Variants in DOK5 observed in about 807,000 individuals in gnomAD.
The protein encoded by DOK5 is docking protein 5, also known as downstream of tyrosine kinase 5.
In DOK5, 27 loss-of-function variants were observed where a neutral mutation model predicts 43.3. That is an observed-to-expected ratio of 0.62 (90% CI 0.46 to 0.86). The LOEUF is 0.86. Ranked by LOEUF, DOK5 falls within the 40% of genes least tolerant of loss-of-function variation. DOK5 has a pLI of 0.00. For synonymous variants in DOK5, 146 were observed against 140.1 expected (o/e 1.04, Z -0.30); for missense variants, 373 against 392.9 (o/e 0.95, Z 0.43).
At chr20:54,514,017 C>T (rs1983104471) in intron 1 of DOK5, among the ~76,000 whole-genome samples, 3 of 152,140 alleles carry the variant, frequency 2.0e-5, no homozygotes, top group Admixed American at 6.5e-5. Flanking sequence ...AATAGCTGCA[C>T]CCTACTTTTT....
chr20:54,501,237 G>T (rs1982586627), intron 1 of DOK5, among the ~76,000 whole-genome samples: 1 of 151,904 alleles, frequency 6.6e-6, no homozygotes, highest in Non-Finnish European at 1.5e-5. Context: ...GGAGGCCAAG[G>T]CGGGTGGATC....
At position 54,475,617 on chromosome 20, in the gene DOK5, G is replaced by A; in HGVS notation, c.-330G>A. 1 of 397,292 alleles carries A rather than the reference G, an allele frequency of 2.5e-6. No homozygotes were observed. The allele number at this position is 397,292 out of a possible 1,614,324, so 24.6% of individuals were successfully genotyped here. On this transcript the variant is annotated 5_prime_UTR_variant, in exon 1 of 8. Transcript: ENST00000262593. The surrounding 1 kb of genome is among the most constrained non-coding windows in gnomAD (Gnocchi z 4.2). ...CCTTCTTCTCCTCCTTCTCGGCCGG[G>A]AGGAGGCAGGGCTGGATCCCTCAGC...
At position 54,481,024 on chromosome 20, in the gene DOK5, CATCT is replaced by C. The variant is rs375846902; in HGVS notation, c.66+5020_66+5023del. ...TATCATCTATCATCTATCTATCTAT[CATCT>C]ATCTATCATCTATCTATCATCTGTC... On this transcript the variant is annotated intron_variant, in intron 1 of 7. Transcript: ENST00000262593. Among the ~76,000 whole-genome samples the C allele has an allele frequency of 5.3e-3, 590 of 112,346 alleles. 18 individuals carry two copies. The highest frequency in any genetic ancestry group is 0.023 in the African/African-American group (474 of 20,910). The allele number at this position is 112,346 out of a possible 152,430, so 73.7% of individuals were successfully genotyped here.
At chr20:54,579,265 A>G (rs1985554954) in intron 2 of DOK5, among the ~76,000 whole-genome samples, 2 of 152,304 alleles carry the variant, frequency 1.3e-5, no homozygotes, top group South Asian at 4.1e-4. Context: ...ACTTGCCATG[A>G]ATAGAAATTA....
chr20:54,561,100 G>A (rs112016648), intron 2 of DOK5, among the ~76,000 whole-genome samples: 4 of 152,176 alleles, frequency 2.6e-5, no homozygotes, highest in East Asian at 3.9e-4. Flanking sequence ...CTTTTCTTTC[G>A]TGGTCCATGT....
chr20:54,519,325 G>C (rs1170153027), intron 1 of DOK5, among the ~76,000 whole-genome samples: 1 of 152,130 alleles, frequency 6.6e-6, no homozygotes, highest in African/African-American at 2.4e-5. Flanking sequence ...TTTAGCATCT[G>C]TTCCATAGTA....
At chr20:54,527,488 C>A (rs1052196244) in intron 1 of DOK5, among the ~76,000 whole-genome samples, 4 of 152,138 alleles carry the variant, frequency 2.6e-5, no homozygotes, top group African/African-American at 9.7e-5. Context: ...GCAAACCTCT[C>A]AGGTTTGTGT....
intron 4 of DOK5, among the ~76,000 whole-genome samples, chr20:54,589,691 A>T (rs1985922784): frequency 6.6e-6 from 1 of 152,194 alleles, no homozygotes; most frequent in East Asian, 1.9e-4. Flanking sequence ...CGGACATGGC[A>T]GAGATGGAAT....
At chr20:54,644,397 C>A (rs1248437118) in intron 7 of DOK5, among the ~76,000 whole-genome samples, 2 of 151,778 alleles carry the variant, frequency 1.3e-5, no homozygotes, top group African/African-American at 2.4e-5. Flanking sequence ...CATGGTGAAA[C>A]CCTGTCTTTA....
intron 5 of DOK5, 36 bp downstream of exon 5, chr20:54,591,841 TTGTGTG>T: frequency 1.3e-6 from 2 of 1,573,878 alleles, no homozygotes; most frequent in Non-Finnish European, 1.7e-6. Flanking sequence ...ATTTTTCTGT[TTGTGTG>T]TGTGTGTGTT....
chr20:54,610,367 GTTTTGT>G lies in DOK5; in HGVS notation c.600-11_600-6del. 6.7e-7 allele frequency: 1 copy of G among 1,499,192 alleles called. No individual in the cohort carries two copies. 92.9% of individuals were successfully genotyped at this position (1,499,192 alleles called of 1,614,324 possible). On this transcript the variant is annotated splice_polypyrimidine_tract_variant and intron_variant, in intron 5 of 7. Coordinates refer to ENST00000262593, the MANE Select transcript of DOK5 (RefSeq NM_018431.5). ...TCTAGGCGCTGGATTTTCAGAAGCTGTTTTGTTTTTGTTTTCACAGGATGTGTGAGA... is the reference window on the plus strand; with the variant it reads ...TCTAGGCGCTGGATTTTCAGAAGCTGTTTTGTTTTCACAGGATGTGTGAGA...
At chr20:54,620,173 G>T (rs1340090665) in intron 6 of DOK5, among the ~76,000 whole-genome samples, 1 of 152,078 alleles carries the variant, frequency 6.6e-6, no homozygotes, top group Non-Finnish European at 1.5e-5. Context: ...TTTGCTACTT[G>T]CAAAGCAATG....
chr20:54,557,383 C>T (rs1320391504), intron 2 of DOK5, among the ~76,000 whole-genome samples: 2 of 152,108 alleles, frequency 1.3e-5, no homozygotes, highest in African/African-American at 2.4e-5. Flanking sequence ...ATGCACAGTT[C>T]ACAATAGATT....
chr20:54,605,279 T>C (rs1272255435), intron 5 of DOK5, among the ~76,000 whole-genome samples: 6 of 152,226 alleles, frequency 3.9e-5, no homozygotes, highest in African/African-American at 1.4e-4. Flanking sequence ...GTTTTCATAA[T>C]TTCAACCCCA....
intron 1 of DOK5, among the ~76,000 whole-genome samples, chr20:54,515,824 G>A (rs533141581): frequency 3.3e-5 from 5 of 152,306 alleles, no homozygotes; most frequent in South Asian, 4.2e-4. Flanking sequence ...ACCCAGAAAC[G>A]TAGACTAATA....
chr20:54,486,587 ACG>A (rs201561277), intron 1 of DOK5, among the ~76,000 whole-genome samples: 4 of 151,682 alleles, frequency 2.6e-5, no homozygotes, highest in African/African-American at 9.7e-5. Flanking sequence ...ACACACACAC[ACG>A]ATTTAATTGG....
At chr20:54,620,580 G>A (rs1986947197) in intron 6 of DOK5, among the ~76,000 whole-genome samples, 1 of 152,262 alleles carries the variant, frequency 6.6e-6, no homozygotes, top group South Asian at 2.1e-4. Context: ...TAAATAAGGA[G>A]TTTTAAATAT....
intron 1 of DOK5, among the ~76,000 whole-genome samples, chr20:54,503,458 A>AT (rs919052235): frequency 2.0e-5 from 3 of 151,766 alleles, no homozygotes; most frequent in African/African-American, 4.9e-5. Flanking sequence ...TTTATTCTTG[A>AT]TTTTTTTTAA....
intron 1 of DOK5, among the ~76,000 whole-genome samples, chr20:54,490,843 C>T (rs1260693161): frequency 6.6e-6 from 1 of 152,234 alleles, no homozygotes; most frequent in Non-Finnish European, 1.5e-5. Flanking sequence ...CCACCACGGC[C>T]TCCCAAAGTG....
Sources: gnomAD v4.1 joint callset for allele counts (sites outside exome capture counted in the v4.1 genomes callset) on GRCh38, gnomAD v4.1.1 for gene constraint, Gnocchi (gnomAD v3.1) non-coding constraint, MANE v1.5 for transcripts, NCBI Gene and HGNC (gene_info 2026-07-23, HGNC 2026-07-21) for gene names.